Variants in SCNN1G observed in about 807,000 individuals in gnomAD.
The protein encoded by SCNN1G is epithelial sodium channel subunit gamma.
Under a neutral mutation model 64.6 loss-of-function variants are expected in SCNN1G, and 27 were observed. That is an observed-to-expected ratio of 0.42 (90% CI 0.31 to 0.58). The LOEUF (loss-of-function observed/expected upper bound fraction) is 0.58, where lower values mean the gene tolerates loss of function less well. Ranked by LOEUF, SCNN1G falls within the 20% of genes least tolerant of loss-of-function variation. The probability of loss-of-function intolerance (pLI) is 0.18; values close to 1 mark genes in which losing one functional copy is unlikely to be tolerated. For synonymous variants in SCNN1G, 330 were observed against 314.2 expected (o/e 1.05, Z -0.53); for missense variants, 743 against 823.4 (o/e 0.90, Z 1.19).
At chr16:23,192,223 C>A in intron 3 of SCNN1G, 129 bp from the exon 4 acceptor site, 1 of 799,288 alleles carries the variant, frequency 1.3e-6, no homozygotes, top group Non-Finnish European at 2.2e-6. Context: ...GAAACCCATC[C>A]TTGCCCCAGA....
chr16:23,205,165 G>A (rs1959969573), intron 6 of SCNN1G, among the ~76,000 whole-genome samples: 1 of 152,098 alleles, frequency 6.6e-6, no homozygotes, highest in Non-Finnish European at 1.5e-5. Flanking sequence ...AGCACAGTGG[G>A]AATCTGATTT....
At chr16:23,209,959 T>A (rs1960053363) in intron 7 of SCNN1G, 111 bp downstream of exon 7, 2 of 778,226 alleles carry the variant, frequency 2.6e-6, no homozygotes, top group Non-Finnish European at 4.5e-6. Context: ...TGAGGATCCC[T>A]GGGGTTCATC....
intron 6 of SCNN1G, among the ~76,000 whole-genome samples, chr16:23,207,353 G>A (rs375453464): frequency 2.7e-4 from 41 of 152,304 alleles, no homozygotes; most frequent in African/African-American, 9.1e-4. Context: ...CAGCAGGACC[G>A]GGGGGACCAA....
chr16:23,198,001 T>C (rs1959825714), intron 6 of SCNN1G, among the ~76,000 whole-genome samples: 1 of 152,196 alleles, frequency 6.6e-6, no homozygotes, highest in African/African-American at 2.4e-5. Context: ...ACACTAACTA[T>C]ATATTTGTCA....
At chr16:23,185,414 G>T (rs1357244377) in intron 1 of SCNN1G, among the ~76,000 whole-genome samples, 1 of 152,092 alleles carries the variant, frequency 6.6e-6, no homozygotes, top group Non-Finnish European at 1.5e-5. Context: ...GAGATGCATC[G>T]TGCACATTGA....
At chr16:23,194,054 G>T in intron 4 of SCNN1G, 117 bp from the exon 5 acceptor site, 1 of 757,732 alleles carries the variant, frequency 1.3e-6, no homozygotes, top group South Asian at 1.4e-5. Flanking sequence ...GGGAAAATGA[G>T]TCACATCTCT....
intron 2 of SCNN1G, 67 bp from the exon 3 acceptor site, chr16:23,189,303 TG>T (rs1959664617): frequency 6.6e-7 from 1 of 1,518,252 alleles, no homozygotes; most frequent in East Asian, 2.3e-5. Flanking sequence ...GAAAACAGCC[TG>T]GAGGAGCACC....
chr16:23,193,102 A>G (rs1219040953), intron 4 of SCNN1G, among the ~76,000 whole-genome samples: 1 of 148,224 alleles, frequency 6.7e-6, no homozygotes, highest in Non-Finnish European at 1.5e-5. Flanking sequence ...AAAAAACCCA[A>G]CCCACAAGGT....
intron 6 of SCNN1G, among the ~76,000 whole-genome samples, chr16:23,203,987 T>C (rs1023978002): frequency 6.6e-6 from 1 of 151,626 alleles, no homozygotes; most frequent in Non-Finnish European, 1.5e-5. Flanking sequence ...GCTTAAAATA[T>C]ATTGGCTTGG....
chr16:23,208,792 C>G (rs1033867104), intron 6 of SCNN1G, among the ~76,000 whole-genome samples: 1 of 151,264 alleles, frequency 6.6e-6, no homozygotes, highest in Non-Finnish European at 1.5e-5. Flanking sequence ...CGCTGGATTG[C>G]AGTGGCACAA....
chr16:23,189,637 A>C lies in SCNN1G; in HGVS notation c.584A>C (p.His195Pro). The change falls in exon 3 of 13, where the codon CAC becomes CCC. Residue 195 changes from histidine (H) to proline (P), a missense_variant. Coordinates refer to ENST00000300061, the MANE Select transcript of SCNN1G (RefSeq NM_001039.4). Reference sequence around the variant, plus strand: ...ATTCACAAGGCTTCAAATGTCATGCACATCGAGTCCAAGCAAGTGGTGGGA... The same window carrying C: ...ATTCACAAGGCTTCAAATGTCATGCCCATCGAGTCCAAGCAAGTGGTGGGA... ...SIIHKASNVM[H>P]IESKQVVGFQ... 1 of 1,614,244 alleles carries C rather than the reference A, an allele frequency of 6.2e-7. No individual in the cohort carries two copies. Among genetic ancestry groups the C allele is most frequent in the African/African-American group, 1.3e-5 (1 of 75,072 alleles).
In SCNN1G at chr16:23,215,092, GA is replaced by G. The variant is rs1840503387; in HGVS notation, c.1574del (p.Glu525GlyfsTer15). The G allele has an allele frequency of 1.9e-6, 3 of 1,613,934 alleles. No individual in the cohort carries two copies. Among genetic ancestry groups the G allele is most frequent in the Non-Finnish European group, 2.5e-6 (3 of 1,180,026 alleles). ...TGTGGCTTGGCCTGTCTTGCAGATT[GA>G]GATGCTTCTGTCCAACTTCGGTGGC... Reference protein sequence around the residue: ...SIMESPANSIEMLLSNFGGQL... With the variant: ...SIMESPANSIXMLLSNFGGQL... On this transcript the variant is annotated frameshift_variant, in exon 13 of 13. Transcript: ENST00000300061. LOFTEE classifies it low-confidence loss of function (END_TRUNC).
chr16:23,193,084 A>AC (rs1464064780), intron 4 of SCNN1G, among the ~76,000 whole-genome samples: 40 of 151,188 alleles, frequency 2.6e-4, no homozygotes, highest in African/African-American at 9.7e-4. Context: ...AAAAAAAAAA[A>AC]AAAAAAAAAA....
chr16:23,186,713 A>G (rs986927572), intron 2 of SCNN1G, 125 bp downstream of exon 2: 7 of 843,166 alleles, frequency 8.3e-6, no homozygotes, highest in African/African-American at 5.0e-5. Flanking sequence ...TGCTTTCTAG[A>G]AATTTGAATT....
chr16:23,207,700 T>C (rs913178158), intron 6 of SCNN1G, among the ~76,000 whole-genome samples: 1 of 152,204 alleles, frequency 6.6e-6, no homozygotes, highest in African/African-American at 2.4e-5. Context: ...ACTTTCCCCT[T>C]TGTTTGCTTC....
chr16:23,189,275 G>A, intron 2 of SCNN1G, 96 bp from the exon 3 acceptor site: 1 of 1,286,186 alleles, frequency 7.8e-7, no homozygotes, highest in South Asian at 1.2e-5. Context: ...GTGGGCATGA[G>A]GCTGACACGT....
chr16:23,191,180 G>A (rs1486299527), intron 3 of SCNN1G, among the ~76,000 whole-genome samples: 1 of 152,032 alleles, frequency 6.6e-6, no homozygotes, highest in Non-Finnish European at 1.5e-5. Context: ...CACTGAAAAT[G>A]AATTCTAGTA....
In SCNN1G at chr16:23,197,283, C is replaced by T; in HGVS notation, c.933C>T (p.Tyr311=). 1.2e-6 allele frequency: 2 copies of T among 1,613,904 alleles called. No homozygotes were observed. The highest frequency in any genetic ancestry group is 1.7e-6 in the Non-Finnish European group (2 of 1,179,914). Residue 311 remains tyrosine, a synonymous_variant, in exon 6 of 13, where the codon TAC becomes TAT. Coordinates refer to ENST00000300061, the MANE Select transcript of SCNN1G (RefSeq NM_001039.4). ...GSEYGLQVIL[Y]INEEEYNPFL... ...TCCCAGGGCTGCAAGTCATTTTGTACATAAACGAAGAGGAATACAACCCAT... is the reference window on the plus strand; with the variant it reads ...TCCCAGGGCTGCAAGTCATTTTGTATATAAACGAAGAGGAATACAACCCAT...
At chr16:23,192,108 A>T (rs1386585532) in intron 3 of SCNN1G, among the ~76,000 whole-genome samples, 2 of 152,188 alleles carry the variant, frequency 1.3e-5, no homozygotes, top group African/African-American at 4.8e-5. Flanking sequence ...TTGGTGGGCA[A>T]GTAGTGCAGA....
Sources: gnomAD v4.1 joint callset for allele counts (sites outside exome capture counted in the v4.1 genomes callset) on GRCh38, gnomAD v4.1.1 for gene constraint, MANE v1.5 for transcripts, NCBI Gene and HGNC (gene_info 2026-07-23, HGNC 2026-07-21) for gene names.